Variants in AGO3 observed in about 807,000 individuals in gnomAD.
AGO3 encodes the protein argonaute RISC catalytic component 3.
A neutral mutation model predicts 105.5 loss-of-function variants in AGO3; 16 were observed. The ratio of observed to expected loss-of-function variants is 0.15; its 90% CI spans 0.10 to 0.23. AGO3 has a LOEUF of 0.23. AGO3 is among the 10% of genes least tolerant of loss of function. The pLI is 1.00. For synonymous variants in AGO3, 340 were observed against 367.3 expected (o/e 0.93, Z 0.85); for missense variants, 534 against 1,088.0 (o/e 0.49, Z 7.16).
chr1:35,993,552 T>A (rs1479591045), intron 5 of AGO3, among the ~76,000 whole-genome samples: 1 of 151,986 alleles, frequency 6.6e-6, no homozygotes, highest in East Asian at 1.9e-4. Context: ...TTTACCAAAA[T>A]TGACTCGAAA....
chr1:36,048,586 G>A (rs1010938571), intron 17 of AGO3, among the ~76,000 whole-genome samples: 1 of 152,068 alleles, frequency 6.6e-6, no homozygotes, highest in Non-Finnish European at 1.5e-5. Flanking sequence ...AAGGAAGAAA[G>A]GATATAGAAA....
At chr1:36,049,914 A>C (rs1413888018) in intron 17 of AGO3, among the ~76,000 whole-genome samples, 1 of 152,242 alleles carries the variant, frequency 6.6e-6, no homozygotes, top group Non-Finnish European at 1.5e-5. Context: ...GATATATAAT[A>C]TAAAGCAAGT....
intron 2 of AGO3, among the ~76,000 whole-genome samples, chr1:35,947,689 T>G (rs1646392519): frequency 6.6e-6 from 1 of 152,194 alleles, no homozygotes; most frequent in Non-Finnish European, 1.5e-5. Context: ...TGCCGTACTC[T>G]TATCTCCTAG....
chr1:35,971,339 A>G (rs1386350776), intron 3 of AGO3, among the ~76,000 whole-genome samples: 1 of 150,410 alleles, frequency 6.6e-6, no homozygotes, highest in Non-Finnish European at 1.5e-5. Flanking sequence ...TTGTATTTTT[A>G]GTAGAGACAG....
chr1:36,010,218 C>T (rs941420280), intron 9 of AGO3, among the ~76,000 whole-genome samples: 2 of 151,898 alleles, frequency 1.3e-5, no homozygotes, highest in Non-Finnish European at 2.9e-5. Flanking sequence ...GGATTACAGG[C>T]GTGAGCCACC....
rs192675767 is a variant in AGO3, at chr1:35,941,118, A to C, written c.20-4574A>C. ...TGATTTCCCCTCCAAACTTGCTACTATCACTGAGTCTTTCCTATCTCAGTA... is the reference window on the plus strand; with the variant it reads ...TGATTTCCCCTCCAAACTTGCTACTCTCACTGAGTCTTTCCTATCTCAGTA... On this transcript the variant is annotated intron_variant, in intron 1 of 18. Transcript: ENST00000373191. Among the ~76,000 whole-genome samples, 796 of 152,278 alleles carry C rather than the reference A, an allele frequency of 5.2e-3. 7 individuals carry two copies. The highest frequency in any genetic ancestry group is 0.018 in the African/African-American group (742 of 41,552).
At chr1:35,965,410 A>C (rs1041821320) in intron 2 of AGO3, among the ~76,000 whole-genome samples, 6 of 150,516 alleles carry the variant, frequency 4.0e-5, no homozygotes, top group Non-Finnish European at 7.4e-5. Context: ...GAATTGCTGG[A>C]ACCTGGGAGG....
At chr1:36,047,982 A>C (rs1569937554) in intron 17 of AGO3, among the ~76,000 whole-genome samples, 1 of 152,158 alleles carries the variant, frequency 6.6e-6, no homozygotes, top group Non-Finnish European at 1.5e-5. Context: ...CGAACCCTAA[A>C]AGGTTCTTCC....
intron 1 of AGO3, among the ~76,000 whole-genome samples, chr1:35,940,869 C>T (rs1176903730): frequency 6.6e-6 from 1 of 152,054 alleles, no homozygotes; most frequent in African/African-American, 2.4e-5. Context: ...TTTTCATTTC[C>T]CTAATTTCTA....
intron 17 of AGO3, among the ~76,000 whole-genome samples, chr1:36,050,617 C>A (rs552512092): frequency 6.6e-6 from 1 of 151,690 alleles, no homozygotes; most frequent in African/African-American, 2.4e-5. Context: ...CATGGCAAAA[C>A]CCCGTCTCTA....
At position 36,030,727 on chromosome 1, in the gene AGO3, C is replaced by T. The variant is rs142060182; in HGVS notation, c.1591+3429C>T. On this transcript the variant is annotated intron_variant, in intron 12 of 18. Coordinates refer to ENST00000373191, the MANE Select transcript of AGO3 (RefSeq NM_024852.4). ...AACTCCTGGCCTCAAGTCATCCTCC[C>T]GCCTCAGCCTCCCAATGCTGGGATT... Among the ~76,000 whole-genome samples the T allele has an allele frequency of 8.2e-3, 1,255 of 152,272 alleles. 12 individuals carry two copies. The highest frequency in any genetic ancestry group is 0.028 in the African/African-American group (1,176 of 41,568).
chr1:36,009,332 T>TTACTACTTTTTTACTTAACATATTGAAAA, intron 8 of AGO3, 143 bp from the exon 9 acceptor site: 1 of 999,622 alleles, frequency 1.0e-6, no homozygotes, highest in South Asian at 1.9e-5. Flanking sequence ...GCTGTCTTGT[T>TTACTACTTTTTTACTTAACATATTGAAAA]TACTACTTTT....
chr1:35,946,629 T>C (rs1440138282), intron 2 of AGO3, among the ~76,000 whole-genome samples: 2 of 152,230 alleles, frequency 1.3e-5, no homozygotes, highest in East Asian at 3.8e-4. Context: ...AAAAGAATGT[T>C]GTTTCTCTCA....
intron 2 of AGO3, among the ~76,000 whole-genome samples, chr1:35,958,730 G>C (rs142414668): frequency 6.6e-6 from 1 of 151,962 alleles, no homozygotes; most frequent in African/African-American, 2.4e-5. Context: ...TTATCTTGTT[G>C]CACAAGTATT....
At chr1:35,954,324 A>C (rs952605786) in intron 2 of AGO3, among the ~76,000 whole-genome samples, 1 of 152,212 alleles carries the variant, frequency 6.6e-6, no homozygotes, top group African/African-American at 2.4e-5. Context: ...TATATTTGAA[A>C]CTTGAAGATA....
At position 36,039,772 on chromosome 1, in the gene AGO3, T is replaced by G; in HGVS notation, c.1843-18T>G. 7.4e-7 allele frequency: 1 copy of G among 1,357,342 alleles called. No individual in the cohort carries two copies. The highest frequency in any genetic ancestry group is 9.7e-7 in the Non-Finnish European group (1 of 1,035,254). 84.1% of individuals were successfully genotyped at this position (1,357,342 alleles called of 1,614,324 possible). A position where few individuals can be genotyped will look rare whatever the true frequency, so the allele number is the denominator to read the frequency against. On this transcript the variant is annotated intron_variant, in intron 14 of 18. Transcript: ENST00000373191. ...ATTTTTATTTATTTATTTATTTATT[T>G]TACTTTTTCTAACCTAGGTTGTAGG...
At chr1:36,038,684 T>C (rs996546245) in intron 14 of AGO3, among the ~76,000 whole-genome samples, 5 of 152,218 alleles carry the variant, frequency 3.3e-5, no homozygotes, top group African/African-American at 1.2e-4. Context: ...CTCTAGGCTC[T>C]GATCAGAATA....
chr1:35,966,250 G>A (rs796989010), intron 2 of AGO3, among the ~76,000 whole-genome samples: 17 of 152,258 alleles, frequency 1.1e-4, no homozygotes, highest in African/African-American at 4.1e-4. Context: ...CTCTCTAGAG[G>A]TAACCACCAT....
At chr1:35,999,532 A>C (rs771107064) in intron 5 of AGO3, among the ~76,000 whole-genome samples, 1 of 152,178 alleles carries the variant, frequency 6.6e-6, no homozygotes, top group South Asian at 2.1e-4. Context: ...TTGATCTTCT[A>C]TAGTATCTTT....
Sources: gnomAD v4.1 joint callset for allele counts (sites outside exome capture counted in the v4.1 genomes callset) on GRCh38, gnomAD v4.1.1 for gene constraint, MANE v1.5 for transcripts, NCBI Gene and HGNC (gene_info 2026-07-23, HGNC 2026-07-21) for gene names.